SHISA9: variants seen among roughly 807,000 people sequenced by gnomAD.
SHISA9 encodes the protein protein shisa-9.
In SHISA9, 13 loss-of-function variants were observed where a neutral mutation model predicts 38.0. That is an observed-to-expected ratio of 0.34 (90% confidence interval 0.22 to 0.54). The LOEUF (loss-of-function observed/expected upper bound fraction) is 0.54. Among genes scored for constraint, SHISA9 ranks in the 20% least tolerant of loss-of-function variants. The pLI, the probability that SHISA9 is intolerant of heterozygous loss-of-function variation, is 0.91. For missense variants in SHISA9, 538 were observed against 575.8 expected (o/e 0.93, Z 0.67); for synonymous variants, 275 against 242.0 (o/e 1.14, Z -1.27).
At chr16:13,317,931 G>A in the SHISA9 span, among the ~76,000 whole-genome samples, 13 of 151,454 alleles carry the variant, frequency 8.6e-5, no homozygotes, top group Non-Finnish European at 1.5e-4. Context: ...ATTTTCTGTT[G>A]AAAATATGTA....
At chr16:13,276,173 T>C in the SHISA9 span, among the ~76,000 whole-genome samples, 154 of 152,112 alleles carry the variant, frequency 1.0e-3, 2 homozygotes, top group South Asian at 5.0e-3. Context: ...TGTTTGGTTT[T>C]CCATTCCTTA....
the SHISA9 span, among the ~76,000 whole-genome samples, chr16:13,552,365 C>T: frequency 7.3e-4 from 111 of 152,084 alleles, no homozygotes; most frequent in African/African-American, 2.2e-3. Context: ...AAATGCATTC[C>T]TGTCTATGTT....
At chr16:13,504,477 T>A in the SHISA9 span, among the ~76,000 whole-genome samples, 1 of 152,072 alleles carries the variant, frequency 6.6e-6, no homozygotes, top group African/African-American at 2.4e-5. Context: ...AATAATCCCA[T>A]TAGTCACATT....
At chr16:13,028,050 C>G (rs2072946605) in intron 2 of SHISA9, among the ~76,000 whole-genome samples, 1 of 149,400 alleles carries the variant, frequency 6.7e-6, no homozygotes, top group South Asian at 2.1e-4. Flanking sequence ...CTGCTTGGGG[C>G]TGGGGTGGGG....
At chr16:13,451,807 T>C in the SHISA9 span, among the ~76,000 whole-genome samples, 2 of 152,244 alleles carry the variant, frequency 1.3e-5, no homozygotes, top group African/African-American at 2.4e-5. Flanking sequence ...TTTGGAATCC[T>C]GGCAAGTCGC....
At chr16:13,341,301 T>C in the SHISA9 span, among the ~76,000 whole-genome samples, 1 of 152,230 alleles carries the variant, frequency 6.6e-6, no homozygotes, top group Non-Finnish European at 1.5e-5. Context: ...GTATGCTTTT[T>C]TCTTCACATT....
chr16:13,469,379 AAGAAAGAAAG>A, the SHISA9 span, among the ~76,000 whole-genome samples: 5 of 108,396 alleles, frequency 4.6e-5, no homozygotes, highest in East Asian at 1.4e-3. Flanking sequence ...GAAAGAAAGA[AAGAAAGAAAG>A]AAAGAAAGAA....
intron 2 of SHISA9, among the ~76,000 whole-genome samples, chr16:12,941,124 T>A (rs138172882): frequency 6.6e-6 from 1 of 152,144 alleles, no homozygotes; most frequent in Non-Finnish European, 1.5e-5. Flanking sequence ...GGCTGAGGTG[T>A]GTGGATCACT....
chr16:13,401,832 G>A, the SHISA9 span, among the ~76,000 whole-genome samples: 198 of 152,294 alleles, frequency 1.3e-3, 2 homozygotes, highest in East Asian at 0.033. Context: ...TGGACTCACC[G>A]TCCCGCATGG....
At chr16:13,208,729 A>T (rs1277068189) in intron 3 of SHISA9, among the ~76,000 whole-genome samples, 2 of 152,112 alleles carry the variant, frequency 1.3e-5, no homozygotes, top group African/African-American at 4.8e-5. Context: ...ACTTTGAATT[A>T]TTCCTTCAGT....
intron 2 of SHISA9, among the ~76,000 whole-genome samples, chr16:13,127,994 C>A (rs538628428): frequency 6.6e-6 from 1 of 152,174 alleles, no homozygotes; most frequent in Non-Finnish European, 1.5e-5. Flanking sequence ...GCTCAATAGG[C>A]CCACGTCTGT....
the SHISA9 span, among the ~76,000 whole-genome samples, chr16:13,390,514 G>A: frequency 1.3e-5 from 2 of 152,112 alleles, no homozygotes; most frequent in African/African-American, 4.8e-5. Context: ...TATTCCGCCT[G>A]TGATCTTTCT....
At chr16:13,503,592 G>C in the SHISA9 span, among the ~76,000 whole-genome samples, 2 of 151,914 alleles carry the variant, frequency 1.3e-5, no homozygotes, top group Non-Finnish European at 2.9e-5. Flanking sequence ...GATATCTTAA[G>C]GCCCAGCTTT....
At chr16:13,214,192 A>G (rs535443764) in intron 4 of SHISA9, among the ~76,000 whole-genome samples, 1 of 152,148 alleles carries the variant, frequency 6.6e-6, no homozygotes, top group African/African-American at 2.4e-5. Flanking sequence ...TGGAGGTAGA[A>G]CTATTTATCT....
intron 1 of SHISA9, among the ~76,000 whole-genome samples, chr16:12,904,355 TTG>T (rs1194744499): frequency 6.6e-6 from 1 of 152,150 alleles, no homozygotes; most frequent in African/African-American, 2.4e-5. Flanking sequence ...AGAGTCCTCC[TTG>T]ATGGTTGGCC....
chr16:13,249,196 T>C, the SHISA9 span, among the ~76,000 whole-genome samples: 3 of 152,230 alleles, frequency 2.0e-5, no homozygotes, highest in Non-Finnish European at 2.9e-5. Flanking sequence ...ACATTAGTCC[T>C]GGTCCAGCTG....
chr16:13,477,831 G>A, the SHISA9 span, among the ~76,000 whole-genome samples: 2 of 152,134 alleles, frequency 1.3e-5, no homozygotes, highest in African/African-American at 2.4e-5. Flanking sequence ...CAGGCATGGT[G>A]GTGTGCACCT....
chr16:13,320,396 T>C, the SHISA9 span, among the ~76,000 whole-genome samples: 1 of 151,554 alleles, frequency 6.6e-6, no homozygotes. Context: ...TTTGTAGGTA[T>C]GTGACCTTGA....
At chr16:13,414,576 T>G in the SHISA9 span, among the ~76,000 whole-genome samples, 7 of 151,958 alleles carry the variant, frequency 4.6e-5, no homozygotes, top group African/African-American at 1.5e-4. Context: ...GAAGCGGACA[T>G]GTAGGGGCTC....
Sources: allele counts gnomAD v4.1 joint callset (sites outside exome capture counted in the v4.1 genomes callset), GRCh38; gene constraint gnomAD v4.1.1; transcripts MANE v1.5; gene names NCBI Gene and HGNC (gene_info 2026-07-23, HGNC 2026-07-21).